The following DLG2 variants were observed in gnomAD, a reference collection of about 807,000 sequenced individuals.
DLG2 encodes the protein disks large homolog 2.
Under a neutral mutation model 132.5 loss-of-function variants are expected in DLG2, and 45 were observed. That is an observed-to-expected ratio of 0.34 (90% confidence interval 0.27 to 0.44). The LOEUF (loss-of-function observed/expected upper bound fraction) is 0.44, where lower values mean the gene tolerates loss of function less well. Ranked by LOEUF, DLG2 falls within the 20% of genes least tolerant of loss-of-function variation. The pLI, the probability that DLG2 is intolerant of heterozygous loss-of-function variation, is 1.00. For synonymous variants in DLG2, 424 were observed against 419.6 expected, an observed-to-expected ratio of 1.01 and a Z score of -0.13; for missense variants, 1,045 against 1,196.9, an observed-to-expected ratio of 0.87 and a Z score of 1.87.
chr11:85,039,642 T>C (rs483220), intron 6 of DLG2, among the ~76,000 whole-genome samples: 3 of 151,710 alleles, frequency 2.0e-5, no homozygotes, highest in Non-Finnish European at 2.9e-5. Context: ...AACCATGATG[T>C]TGGGGACAAT....
rs576853665 is a variant in DLG2 at position 84,323,811 on chromosome 11, A to G, written c.520-72520T>C. ...TTAAATTCACGTTTCCAAGACGATT[A>G]GTGAGGTTGAGCATTTTTTCATATA... On this transcript the variant is annotated intron_variant, in intron 7 of 27. Transcript: ENST00000376104. Among the ~76,000 whole-genome samples, 34 of 145,496 alleles carry G rather than the reference A, an allele frequency of 2.3e-4. 1 individual carries two copies. In the South Asian group the frequency reaches 7.3e-3, roughly 31 times the overall value.
At chr11:85,313,074 C>T (rs889089172) in intron 3 of DLG2, among the ~76,000 whole-genome samples, 1 of 151,844 alleles carries the variant, frequency 6.6e-6, no homozygotes, top group African/African-American at 2.4e-5. Flanking sequence ...ATGTGTGTCA[C>T]ATCTAGACCT....
chr11:85,244,478 A>G (rs2076040977), intron 4 of DLG2, among the ~76,000 whole-genome samples: 1 of 151,980 alleles, frequency 6.6e-6, no homozygotes, highest in African/African-American at 2.4e-5. Context: ...TGGTTAAAAA[A>G]ATTGTATGTG....
intron 18 of DLG2, among the ~76,000 whole-genome samples, chr11:83,636,550 C>G (rs2064900133): frequency 6.6e-6 from 1 of 151,964 alleles, no homozygotes; most frequent in African/African-American, 2.4e-5. Context: ...AAATAACTAC[C>G]ACTTCCAAAT....
chr11:85,172,185 C>T (rs1595059119), intron 4 of DLG2, among the ~76,000 whole-genome samples: 3 of 152,346 alleles, frequency 2.0e-5, no homozygotes, highest in East Asian at 3.9e-4. Flanking sequence ...TCTCCAGACG[C>T]CTCCTACAGG....
Position 85,540,653 on chromosome 11 carries a change from C to G in DLG2, c.40+58004G>C, listed in dbSNP as rs910386731. ...CTGTCCTTGTGATAAAGCAGAGGCT[C>G]TAATTGGGCGGATTAACACAAGCTG... On this transcript the variant is annotated intron_variant, in intron 3 of 27. Coordinates refer to ENST00000376104, the MANE Select transcript of DLG2 (RefSeq NM_001142699.3). Among the ~76,000 whole-genome samples the G allele has an allele frequency of 4.6e-5, 7 of 152,346 alleles. No homozygotes were observed. The East Asian group carries it at 1.4e-3, about 29-fold the overall frequency.
In DLG2 at chr11:84,463,288, T is replaced by C. The variant is rs1045424308; in HGVS notation, c.519+71282A>G. Among the ~76,000 whole-genome samples, 4 of 151,232 alleles carry C rather than the reference T, an allele frequency of 2.6e-5. No individual in the cohort carries two copies. The Admixed American group carries it at 2.6e-4, about 10-fold the overall frequency. On this transcript the variant is annotated intron_variant, in intron 7 of 27. Coordinates refer to ENST00000376104, the MANE Select transcript of DLG2 (RefSeq NM_001142699.3). ...GGGATGTATCCTCTGAGAAGCCAGC[T>C]GCTCTGAATAAAAATAAGTCAGAAA...
rs571031518 is a variant in DLG2 at position 84,427,954 on chromosome 11, CAATT to C, written c.519+106612_519+106615del. Among the ~76,000 whole-genome samples, 24 of 152,286 alleles carry C rather than the reference CAATT, an allele frequency of 1.6e-4. No homozygotes were observed. The South Asian group carries it at 3.5e-3, about 22-fold the overall frequency. ...GAATGGTATGATAGGGAAAATCAAT[CAATT>C]GTTTGTAAATCAGTGTGACCTAATG... On this transcript the variant is annotated intron_variant, in intron 7 of 27. Coordinates refer to ENST00000376104, the MANE Select transcript of DLG2 (RefSeq NM_001142699.3).
At chr11:84,317,247 C>A in intron 7 of DLG2, 1 of 1,506,922 alleles carries the variant, frequency 6.6e-7, no homozygotes. Context: ...TTTTTTCCAC[C>A]GTGGATTCCT....
rs2060254894 is a variant in DLG2 at position 85,023,526 on chromosome 11, GAATT to G, written c.357+88131_357+88134del. Among the ~76,000 whole-genome samples, 4 of 151,640 alleles carry G rather than the reference GAATT, an allele frequency of 2.6e-5. No individual in the cohort carries two copies. The South Asian group carries it at 8.3e-4, about 31-fold the overall frequency. ...TTGTATTAAGATTTTGACCCATTTT[GAATT>G]AATATAAATATTTAGAGCACAAGAT... On this transcript the variant is annotated intron_variant, in intron 6 of 27. Coordinates refer to ENST00000376104, the MANE Select transcript of DLG2 (RefSeq NM_001142699.3).
intron 3 of DLG2, among the ~76,000 whole-genome samples, chr11:85,564,972 C>A (rs2077448810): frequency 6.6e-6 from 1 of 151,960 alleles, no homozygotes; most frequent in Non-Finnish European, 1.5e-5. Context: ...AAATCTATCC[C>A]TAAATATTTC....
At chr11:85,087,609 C>T (rs1339996466) in intron 6 of DLG2, among the ~76,000 whole-genome samples, 3 of 151,762 alleles carry the variant, frequency 2.0e-5, no homozygotes, top group Non-Finnish European at 2.9e-5. Flanking sequence ...GAGGCCGAGG[C>T]GGGTGGATCA....
chr11:84,214,270 T>C (rs2096803439), intron 8 of DLG2, among the ~76,000 whole-genome samples: 1 of 146,496 alleles, frequency 6.8e-6, no homozygotes, highest in South Asian at 2.1e-4. Context: ...TGAATATATA[T>C]ACACATATAT....
intron 7 of DLG2, among the ~76,000 whole-genome samples, chr11:84,373,265 C>A (rs4943894): frequency 0.47 from 44,492 of 95,312 alleles, 11,505 homozygotes; most frequent in African/African-American, 0.59. Flanking sequence ...AAAAAAAAAA[C>A]AAAACAAAAA....
chr11:85,133,082 G>A, intron 5 of DLG2: 1 of 334,996 alleles, frequency 3.0e-6, no homozygotes, highest in Non-Finnish European at 5.9e-6. Context: ...CGGATTCCTT[G>A]ATTGGAACAA....
intron 6 of DLG2, among the ~76,000 whole-genome samples, chr11:84,673,499 C>A (rs77193504): frequency 6.6e-6 from 1 of 150,944 alleles, no homozygotes; most frequent in African/African-American, 2.4e-5. Flanking sequence ...TAAATAAGTG[C>A]CTACCATATA....
intron 19 of DLG2, among the ~76,000 whole-genome samples, chr11:83,579,695 G>A (rs937625800): frequency 2.0e-5 from 3 of 152,084 alleles, no homozygotes; most frequent in Non-Finnish European, 1.5e-5. Context: ...TTTGGGCCAG[G>A]TGTGGTGGCT....
At chr11:83,507,025 T>C (rs1344512395) in intron 21 of DLG2, among the ~76,000 whole-genome samples, 1 of 152,188 alleles carries the variant, frequency 6.6e-6, no homozygotes, top group Non-Finnish European at 1.5e-5. Context: ...TTCATCCTTT[T>C]CTTTCATCAC....
At chr11:83,593,441 CA>C (rs1466813351) in intron 19 of DLG2, among the ~76,000 whole-genome samples, 1 of 151,298 alleles carries the variant, frequency 6.6e-6, no homozygotes, top group African/African-American at 2.4e-5. Context: ...GGGAATTGAA[CA>C]ATGAGATCAC....
Sources: gnomAD v4.1 joint callset for allele counts (sites outside exome capture counted in the v4.1 genomes callset) on GRCh38, gnomAD v4.1.1 for gene constraint, MANE v1.5 for transcripts, NCBI Gene and HGNC (gene_info 2026-07-23, HGNC 2026-07-21) for gene names.